Variants in PDE4D observed in about 807,000 individuals in gnomAD.
PDE4D encodes the protein 3',5'-cyclic-AMP phosphodiesterase 4D.
Under a neutral mutation model 87.4 loss-of-function variants are expected in PDE4D, and 24 were observed. That is an observed-to-expected ratio of 0.27 (90% CI 0.20 to 0.39). The LOEUF (loss-of-function observed/expected upper bound fraction) is 0.39, where lower values mean the gene tolerates loss of function less well. PDE4D is among the 10% of genes least tolerant of loss of function. The pLI is 1.00. For synonymous variants in PDE4D, 384 were observed against 383.2 expected (o/e 1.00, Z -0.02); for missense variants, 714 against 1,041.0 (o/e 0.69, Z 4.32).
intron 1 of PDE4D, among the ~76,000 whole-genome samples, chr5:60,484,059 C>T (rs1485472061): frequency 1.3e-5 from 2 of 152,046 alleles, no homozygotes; most frequent in Non-Finnish European, 2.9e-5. Context: ...TCTTTCAAAT[C>T]ATTCAGAAGG....
Position 59,532,175 on chromosome 5 carries a change from C to T in PDE4D, c.456-316207G>A, listed in dbSNP as rs115196846. On this transcript the variant is annotated intron_variant, in intron 1 of 14. Coordinates refer to ENST00000340635, the MANE Select transcript of PDE4D (RefSeq NM_001104631.2). ...TTTTTGAGATGGAATATCACTCTCA[C>T]CCAGGCTAGAGTGCCGTGGCGTTAT... Among the ~76,000 whole-genome samples the T allele has an allele frequency of 3.8e-3, 579 of 152,222 alleles. 11 individuals carry two copies. Among genetic ancestry groups the T allele is most frequent in the African/African-American group, 0.013 (549 of 41,518 alleles).
At chr5:60,265,175 T>C (rs750841509) in intron 1 of PDE4D, among the ~76,000 whole-genome samples, 1 of 152,190 alleles carries the variant, frequency 6.6e-6, no homozygotes, top group Non-Finnish European at 1.5e-5. Context: ...AGGAGATTAA[T>C]AGCAGTTCGC....
intron 1 of PDE4D, among the ~76,000 whole-genome samples, chr5:59,696,889 T>G: frequency 6.6e-6 from 1 of 152,122 alleles, no homozygotes; most frequent in East Asian, 1.9e-4. Flanking sequence ...GAAGGACTAA[T>G]GGAAAGAGAT....
intron 1 of PDE4D, among the ~76,000 whole-genome samples, chr5:59,387,624 C>A (rs1437296866): frequency 1.3e-5 from 2 of 151,834 alleles, no homozygotes; most frequent in Admixed American, 6.6e-5. Flanking sequence ...TTCATTAACC[C>A]AAGGCTAAGC....
chr5:60,479,601 C>T (rs1262027601), intron 1 of PDE4D, among the ~76,000 whole-genome samples: 2 of 152,182 alleles, frequency 1.3e-5, no homozygotes, highest in Non-Finnish European at 2.9e-5. Context: ...TTGGTAAACT[C>T]TTTTGTAAAA....
chr5:59,619,469 C>A (rs1165990680), intron 1 of PDE4D, among the ~76,000 whole-genome samples: 1 of 152,174 alleles, frequency 6.6e-6, no homozygotes, highest in Non-Finnish European at 1.5e-5. Context: ...GGTGCCTGGG[C>A]CCCAATCCCT....
chr5:59,530,780 A>T (rs1814071732), intron 1 of PDE4D, among the ~76,000 whole-genome samples: 1 of 152,222 alleles, frequency 6.6e-6, no homozygotes, highest in South Asian at 2.1e-4. Flanking sequence ...GTCTCTAATA[A>T]CAAAATAATT....
intron 1 of PDE4D, among the ~76,000 whole-genome samples, chr5:59,352,734 A>C (rs1460706935): frequency 6.6e-6 from 1 of 152,190 alleles, no homozygotes; most frequent in Non-Finnish European, 1.5e-5. Context: ...ATCTTTTCAT[A>C]GCCCAGATAC....
At chr5:60,465,224 T>G (rs1205299071) in intron 1 of PDE4D, among the ~76,000 whole-genome samples, 3 of 152,206 alleles carry the variant, frequency 2.0e-5, no homozygotes, top group Admixed American at 2.0e-4. Context: ...TATTAGTCCT[T>G]GGCATTATTT....
chr5:59,163,397 G>A (rs182231433), intron 5 of PDE4D, among the ~76,000 whole-genome samples: 119 of 150,348 alleles, frequency 7.9e-4, no homozygotes, highest in African/African-American at 2.7e-3. Flanking sequence ...TCAGTCTCCC[G>A]AGTAGCCGGG....
chr5:59,380,572 G>A (rs562787129), intron 1 of PDE4D, among the ~76,000 whole-genome samples: 7 of 152,254 alleles, frequency 4.6e-5, no homozygotes, highest in African/African-American at 1.7e-4. Flanking sequence ...AGGTCACATC[G>A]CTCTACTTCA....
chr5:59,380,212 T>C (rs1785492551), intron 1 of PDE4D, among the ~76,000 whole-genome samples: 1 of 152,134 alleles, frequency 6.6e-6, no homozygotes, highest in African/African-American at 2.4e-5. Flanking sequence ...TATTTTATTA[T>C]GATTTTATAA....
rs115349914 is a variant in PDE4D at position 59,360,262 on chromosome 5, G to A, written c.456-144294C>T. ...TTAACAGGCATACGGAAGAGACGAG[G>A]GTTGAGCTGAACTTCAGAGAAATAA... On this transcript the variant is annotated intron_variant, in intron 1 of 14. Transcript: ENST00000340635. Among the ~76,000 whole-genome samples, 1,043 of 152,256 alleles carry A rather than the reference G, an allele frequency of 6.9e-3. 8 individuals carry two copies. The highest frequency in any genetic ancestry group is 0.024 in the African/African-American group (983 of 41,540).
chr5:59,961,608 C>A (rs1759480547), intron 3 of PDE4D, among the ~76,000 whole-genome samples: 1 of 151,998 alleles, frequency 6.6e-6, no homozygotes, highest in African/African-American at 2.4e-5. Flanking sequence ...AGCTTAAATT[C>A]TAGTGTGGAG....
intron 3 of PDE4D, among the ~76,000 whole-genome samples, chr5:59,980,801 T>C (rs1761848626): frequency 6.6e-6 from 1 of 152,224 alleles, no homozygotes; most frequent in Non-Finnish European, 1.5e-5. Context: ...ATAAACCTTT[T>C]AGAGAGTCTA....
Position 59,416,934 on chromosome 5 carries a change from T to C in PDE4D, c.456-200966A>G, listed in dbSNP as rs114676764. Among the ~76,000 whole-genome samples the C allele has an allele frequency of 5.0e-3, 766 of 152,304 alleles. 5 individuals are homozygous for C. The highest frequency in any genetic ancestry group is 0.018 in the African/African-American group (738 of 41,566). ...GTACATATAGATGTATACATATACATATATTTTATATAATTCTGTGTGTAC... is the reference window on the plus strand; with the variant it reads ...GTACATATAGATGTATACATATACACATATTTTATATAATTCTGTGTGTAC... On this transcript the variant is annotated intron_variant, in intron 1 of 14. Coordinates refer to ENST00000340635, the MANE Select transcript of PDE4D (RefSeq NM_001104631.2).
chr5:60,410,818 T>C (rs768534994), intron 1 of PDE4D, among the ~76,000 whole-genome samples: 1 of 152,188 alleles, frequency 6.6e-6, no homozygotes, highest in Non-Finnish European at 1.5e-5. Context: ...ACAGGCTCTG[T>C]GATAATATGA....
At chr5:60,334,846 C>A (rs1483114432) in intron 1 of PDE4D, among the ~76,000 whole-genome samples, 1 of 152,148 alleles carries the variant, frequency 6.6e-6, no homozygotes, top group East Asian at 1.9e-4. Flanking sequence ...AGATTTCCTA[C>A]CCCTGTTTCC....
chr5:59,064,148 AG>A (rs1422087991), intron 5 of PDE4D, among the ~76,000 whole-genome samples: 1 of 151,920 alleles, frequency 6.6e-6, no homozygotes, highest in Non-Finnish European at 1.5e-5. Context: ...GGAGACATGG[AG>A]GGGGCAGAGG....
Sources: gnomAD v4.1 joint callset for allele counts (sites outside exome capture counted in the v4.1 genomes callset) on GRCh38, gnomAD v4.1.1 for gene constraint, MANE v1.5 for transcripts, NCBI Gene and HGNC (gene_info 2026-07-23, HGNC 2026-07-21) for gene names.